The following PIEZO2 variants were observed in gnomAD, a reference collection of about 807,000 sequenced individuals.
PIEZO2 encodes the protein piezo-type mechanosensitive ion channel component 2.
Under a neutral mutation model 337.3 loss-of-function variants are expected in PIEZO2, and 172 were observed. The observed-to-expected ratio is 0.51, with a 90% CI of 0.45 to 0.58. The LOEUF (loss-of-function observed/expected upper bound fraction) is 0.58, where lower values mean the gene tolerates loss of function less well. PIEZO2 is among the 20% of genes least tolerant of loss of function. PIEZO2 has a pLI of 0.00. For synonymous variants in PIEZO2, 1,251 were observed against 1,228.5 expected, an observed-to-expected ratio of 1.02 and a Z score of -0.38; for missense variants, 3,028 against 3,391.3, an observed-to-expected ratio of 0.89 and a Z score of 2.66.
In PIEZO2 at chr18:10,785,568, C is replaced by T. The variant is rs538018980; in HGVS notation, c.2319-611G>A. On this transcript the variant is annotated intron_variant, in intron 16 of 55. Transcript: ENST00000674853. The stretch of plus-strand genomic sequence containing the variant: ...CAAAGCTGTCCTCCACATCCCTCTC[C>T]CCACTCTAGTATCCCTGAACCAATA... 3.3e-4 allele frequency among the ~76,000 whole-genome samples: 51 copies of T among 152,306 alleles called. No individual in the cohort carries two copies. The South Asian group carries it at 8.9e-3, about 27-fold the overall frequency.
At chr18:10,704,163 C>T (rs2035463267) in intron 42 of PIEZO2, 1 of 567,456 alleles carries the variant, frequency 1.8e-6, no homozygotes, top group Admixed American at 3.1e-5. Flanking sequence ...ATGCCAGTAC[C>T]CGCCGTGCGT....
chr18:10,689,909 G>T, intron 48 of PIEZO2, 107 bp from the exon 49 acceptor site: 1 of 1,331,412 alleles, frequency 7.5e-7, no homozygotes. Flanking sequence ...TCATGACTCA[G>T]AAACAATTCT....
chr18:10,812,153 G>A (rs1464580169), intron 7 of PIEZO2, among the ~76,000 whole-genome samples: 1 of 152,204 alleles, frequency 6.6e-6, no homozygotes. Flanking sequence ...TTTTTAAACT[G>A]AGAATCCAGG....
intron 7 of PIEZO2, among the ~76,000 whole-genome samples, chr18:10,814,030 C>T (rs899750562): frequency 6.6e-6 from 1 of 151,282 alleles, no homozygotes; most frequent in Non-Finnish European, 1.5e-5. Context: ...TGCAGTGGCT[C>T]AATCTCGGCT....
intron 3 of PIEZO2, among the ~76,000 whole-genome samples, chr18:10,931,261 G>T (rs2032066377): frequency 6.6e-6 from 1 of 152,030 alleles, no homozygotes; most frequent in Non-Finnish European, 1.5e-5. Context: ...GTGCAGTGGC[G>T]CCATCTCTGC....
Position 11,086,518 on chromosome 18 carries a change from C to CA in PIEZO2, c.65-20297dup, listed in dbSNP as rs35240439. ...TGGGCAACAGAGCGAGACTCCGTCT[C>CA]AAAAAAAAAAAAAGGTTCTTTAAGT... On this transcript the variant is annotated intron_variant, in intron 1 of 55. Transcript: ENST00000674853. Among the ~76,000 whole-genome samples the CA allele has an allele frequency of 2.8e-3, 349 of 125,300 alleles. 3 individuals carry two copies. In the East Asian group the frequency reaches 0.034, roughly 12 times the overall value. The allele number at this position is 125,300 out of a possible 152,430, so 82.2% of individuals were successfully genotyped here. A position where few individuals can be genotyped will look rare whatever the true frequency, so the allele number is the denominator to read the frequency against.
chr18:10,882,032 G>A (rs1348370692), intron 4 of PIEZO2, among the ~76,000 whole-genome samples: 1 of 151,988 alleles, frequency 6.6e-6, no homozygotes, highest in Non-Finnish European at 1.5e-5. Context: ...ATTTTCACCC[G>A]CCTCTTTTAC....
rs1221953122 is a variant in PIEZO2 at position 11,027,953 on chromosome 18, A to G, written c.160+38174T>C. Reference sequence around the variant, plus strand: ...AGAGTACTCTTTGATAAATTCTTCAAACACTGTTTCTGAGAATGATCTCAC... The same window carrying G: ...AGAGTACTCTTTGATAAATTCTTCAGACACTGTTTCTGAGAATGATCTCAC... On this transcript the variant is annotated intron_variant, in intron 2 of 55. Coordinates refer to ENST00000674853, the MANE Select transcript of PIEZO2 (RefSeq NM_001378183.1). This position sits in a 1 kb window ranked among gnomAD's most constrained non-coding sequence, Gnocchi z 4.2. Among the ~76,000 whole-genome samples the G allele has an allele frequency of 6.6e-6, 1 of 152,250 alleles. No individual in the cohort carries two copies. The highest frequency in any genetic ancestry group is 1.5e-5 in the Non-Finnish European group (1 of 68,056).
rs748982632 is a variant in PIEZO2, at chr18:10,853,882, C to T, written c.917+1471G>A. ...TACACCTAAGAAATCAGCAATAATT[C>T]TATAGTCCAATATCCAGTGAACATT... is the stretch of plus-strand genomic sequence containing the variant. On this transcript the variant is annotated intron_variant, in intron 7 of 55. Transcript: ENST00000674853. This position sits in a 1 kb window ranked among gnomAD's most constrained non-coding sequence, Gnocchi z 4.2. Among the ~76,000 whole-genome samples, 18 of 152,188 alleles carry T rather than the reference C, an allele frequency of 1.2e-4. No individual in the cohort carries two copies. Among genetic ancestry groups the T allele is most frequent in the Non-Finnish European group, 2.5e-4 (17 of 68,034 alleles).
intron 7 of PIEZO2, among the ~76,000 whole-genome samples, chr18:10,842,702 T>C (rs1300750123): frequency 1.3e-5 from 2 of 152,236 alleles, no homozygotes; most frequent in Non-Finnish European, 2.9e-5. Context: ...CATGGCAACA[T>C]TAAACAGACT....
In PIEZO2 at chr18:10,819,390, T is replaced by C. The variant is rs777994100; in HGVS notation, c.918-12116A>G. Among the ~76,000 whole-genome samples the C allele has an allele frequency of 1.3e-5, 2 of 152,212 alleles. No homozygotes were observed. The highest frequency in any genetic ancestry group is 1.9e-4 in the East Asian group (1 of 5,206). ...ATATCTATTCAAAAATAAAAAAGAA[T>C]TAAAGATTTTAGATTACAGTTATTA... On this transcript the variant is annotated intron_variant, in intron 7 of 55. Transcript: ENST00000674853. This position sits in a 1 kb window ranked among gnomAD's most constrained non-coding sequence, Gnocchi z 4.3.
chr18:11,017,950 A>T (rs149367608), intron 2 of PIEZO2, among the ~76,000 whole-genome samples: 65 of 152,330 alleles, frequency 4.3e-4, no homozygotes, highest in Admixed American at 9.1e-4. Flanking sequence ...CAACACAGTG[A>T]GACCCTGTCT....
intron 4 of PIEZO2, among the ~76,000 whole-genome samples, chr18:10,904,760 C>T (rs191540280): frequency 4.5e-4 from 69 of 152,310 alleles, no homozygotes; most frequent in African/African-American, 1.3e-3. Context: ...ACATTTAATA[C>T]GAGCAAGAAA....
At chr18:10,984,731 C>G (rs1288828811) in intron 2 of PIEZO2, among the ~76,000 whole-genome samples, 1 of 151,952 alleles carries the variant, frequency 6.6e-6, no homozygotes, top group Non-Finnish European at 1.5e-5. Flanking sequence ...ACATACAGAT[C>G]CAGGAAGCCC....
intron 7 of PIEZO2, among the ~76,000 whole-genome samples, chr18:10,827,589 C>CAG (rs1157368497): frequency 6.6e-6 from 1 of 152,156 alleles, no homozygotes; most frequent in Non-Finnish European, 1.5e-5. Flanking sequence ...AGCCAACAGA[C>CAG]AACTCACCAG....
intron 7 of PIEZO2, among the ~76,000 whole-genome samples, chr18:10,848,303 G>A (rs72973110): frequency 0.3 from 45,115 of 152,060 alleles, 7,187 homozygotes; most frequent in African/African-American, 0.43. Context: ...ACTATTATAA[G>A]AAAGTATAAA....
intron 4 of PIEZO2, among the ~76,000 whole-genome samples, chr18:10,897,626 T>A (rs1253832857): frequency 6.6e-6 from 1 of 152,198 alleles, no homozygotes; most frequent in Admixed American, 6.5e-5. Flanking sequence ...GTGAGTCCAT[T>A]AAACCTCTCT....
At chr18:10,956,886 T>C (rs1183538919) in intron 3 of PIEZO2, among the ~76,000 whole-genome samples, 1 of 151,298 alleles carries the variant, frequency 6.6e-6, no homozygotes, top group East Asian at 2.0e-4. Flanking sequence ...GGAGAATCAC[T>C]TGAACCCAGG....
Position 10,850,803 on chromosome 18 carries a change from A to C in PIEZO2, c.917+4550T>G, listed in dbSNP as rs1483231877. 1.3e-5 allele frequency among the ~76,000 whole-genome samples: 2 copies of C among 152,194 alleles called. No individual in the cohort carries two copies. The highest frequency in any genetic ancestry group is 2.9e-5 in the Non-Finnish European group (2 of 68,014). The stretch of plus-strand genomic sequence containing the variant: ...ATTTGGCTAAAAAGCAATAGTATTT[A>C]TTTCTGGGAATAAGGATTACATTTT... On this transcript the variant is annotated intron_variant, in intron 7 of 55. Coordinates refer to ENST00000674853, the MANE Select transcript of PIEZO2 (RefSeq NM_001378183.1). The surrounding 1 kb of genome is among the most constrained non-coding windows in gnomAD (Gnocchi z 4.5).
Sources: gnomAD v4.1 joint callset for allele counts (sites outside exome capture counted in the v4.1 genomes callset) on GRCh38, gnomAD v4.1.1 for gene constraint, Gnocchi (gnomAD v3.1) non-coding constraint, MANE v1.5 for transcripts, NCBI Gene and HGNC (gene_info 2026-07-23, HGNC 2026-07-21) for gene names.